GRAP2: variants seen among roughly 807,000 people sequenced by gnomAD.
GRAP2 encodes the protein GRB2-related adapter protein 2.
Under a neutral mutation model 43.5 loss-of-function variants are expected in GRAP2, and 31 were observed. The observed-to-expected ratio is 0.71, with a 90% CI of 0.54 to 0.96. The LOEUF (loss-of-function observed/expected upper bound fraction) is 0.96, where lower values mean the gene tolerates loss of function less well. Among genes scored for constraint, GRAP2 ranks in the 40% least tolerant of loss-of-function variants. The probability of loss-of-function intolerance (pLI) is 0.00; values close to 1 mark genes in which losing one functional copy is unlikely to be tolerated. For synonymous variants in GRAP2, 156 were observed against 164.8 expected, an observed-to-expected ratio of 0.95 and a Z score of 0.41; for missense variants, 371 against 424.4, an observed-to-expected ratio of 0.87 and a Z score of 1.11.
At chr22:39,896,363 A>AG (rs998033312), upstream of GRAP2, among the ~76,000 whole-genome samples, 1 of 152,160 alleles carries the variant, frequency 6.6e-6, no homozygotes, top group African/African-American at 2.4e-5. Context: ...TGGCAATGAG[A>AG]GAGAAGGAGG....
Position 39,969,483 on chromosome 22 carries a change from G to A in GRAP2, c.763G>A (p.Ala255Thr). ...GTGLGSEMNA[A>T]LMHRRHTDPV... Reference sequence around the variant, plus strand: ...CGGCTTGGGCAGTGAAATGAATGCGGCCCTCATGCATCGGAGACACACAGA... The same window carrying A: ...CGGCTTGGGCAGTGAAATGAATGCGACCCTCATGCATCGGAGACACACAGA... The change falls in exon 7 of 8, where the codon GCC becomes ACC. Residue 255 changes from alanine to threonine, a missense_variant. Coordinates refer to ENST00000344138, the MANE Select transcript of GRAP2 (RefSeq NM_004810.4). 1 of 1,614,032 alleles carries A rather than the reference G, an allele frequency of 6.2e-7. No individual in the cohort carries two copies. Among genetic ancestry groups the A allele is most frequent in the Admixed American group, 1.7e-5 (1 of 60,022 alleles).
At chr22:39,931,637 G>C (rs2145606568) in intron 1 of GRAP2, among the ~76,000 whole-genome samples, 1 of 152,286 alleles carries the variant, frequency 6.6e-6, no homozygotes, top group Admixed American at 6.5e-5. Flanking sequence ...CAGATGCCAA[G>C]CATGGAAAAA....
At chr22:39,933,787 G>A (rs1296023336) in intron 1 of GRAP2, among the ~76,000 whole-genome samples, 1 of 151,566 alleles carries the variant, frequency 6.6e-6, no homozygotes, top group Non-Finnish European at 1.5e-5. Flanking sequence ...GTTTCAGTGA[G>A]CCAAGATTGC....
chr22:39,953,756 C>A (rs544737069), intron 2 of GRAP2, among the ~76,000 whole-genome samples: 129 of 152,208 alleles, frequency 8.5e-4, no homozygotes, highest in African/African-American at 2.8e-3. Flanking sequence ...ACTACAGGTG[C>A]GCTTCCACCA....
rs546584026 is a variant in GRAP2, at chr22:39,930,601, C to G, written c.-14-16492C>G. ...AGCCAAGACTACTGCGATGCTTTCT[C>G]CATCTTCGGTTCACCCTGCCCTCCA... On this transcript the variant is annotated intron_variant, in intron 1 of 7. Coordinates refer to ENST00000344138, the MANE Select transcript of GRAP2 (RefSeq NM_004810.4). Among the ~76,000 whole-genome samples, 5 of 152,346 alleles carry G rather than the reference C, an allele frequency of 3.3e-5. No homozygotes were observed. In the South Asian group the frequency reaches 1.0e-3, roughly 32 times the overall value.
intron 2 of GRAP2, among the ~76,000 whole-genome samples, chr22:39,950,346 T>C (rs1000177726): frequency 2.0e-5 from 3 of 152,234 alleles, no homozygotes; most frequent in Non-Finnish European, 4.4e-5. Context: ...CATGACCCTG[T>C]GGTCTCATGC....
At chr22:39,946,371 T>C (rs1323562903) in intron 1 of GRAP2, among the ~76,000 whole-genome samples, 1 of 152,228 alleles carries the variant, frequency 6.6e-6, no homozygotes, top group African/African-American at 2.4e-5. Context: ...CTAAATGTAT[T>C]ACATAGGCCG....
Position 39,973,342 on chromosome 22 carries a change from C to T in GRAP2, c.*2258C>T, listed in dbSNP as rs1030249990. ...ATAAAACAAAGTGTCCTTGTTTGGC[C>T]AGGCCGTGTCTGGTGTCTGCGTTGC... On this transcript the variant is annotated 3_prime_UTR_variant, in exon 8 of 8. Transcript: ENST00000344138. 7.9e-5 allele frequency: 12 copies of T among 152,238 alleles called. No homozygotes were observed. Among genetic ancestry groups the T allele is most frequent in the Admixed American group, 6.5e-4 (10 of 15,284 alleles). The allele number at this position is 152,238 out of a possible 1,614,324, so 9.4% of individuals were successfully genotyped here.
chr22:39,911,075 C>T (rs1601689188), intron 1 of GRAP2, among the ~76,000 whole-genome samples: 1 of 151,994 alleles, frequency 6.6e-6, no homozygotes, highest in Non-Finnish European at 1.5e-5. Flanking sequence ...TGAGGATATG[C>T]GACAATGAGT....
intron 1 of GRAP2, chr22:39,926,732 T>C: frequency 1.0e-6 from 1 of 985,406 alleles, no homozygotes; most frequent in South Asian, 4.7e-5. Context: ...AAATTGTTAA[T>C]GGGGACTGCA....
At chr22:39,935,617 C>G (rs1358393256) in intron 1 of GRAP2, among the ~76,000 whole-genome samples, 1 of 152,132 alleles carries the variant, frequency 6.6e-6, no homozygotes, top group Admixed American at 6.5e-5. Context: ...GTCAGGCCCT[C>G]CCACTTTTCT....
rs147575510 is a variant in GRAP2 at position 39,971,379 on chromosome 22, G to A, written c.*295G>A. On this transcript the variant is annotated 3_prime_UTR_variant, in exon 8 of 8. Coordinates refer to ENST00000344138, the MANE Select transcript of GRAP2 (RefSeq NM_004810.4). ...GGAAATGAAATGGAGTTTTGTCCTGGCCTTCAGCTGTCACTGCTTCCTCCT... is the reference window on the plus strand; with the variant it reads ...GGAAATGAAATGGAGTTTTGTCCTGACCTTCAGCTGTCACTGCTTCCTCCT... The A allele has an allele frequency of 2.1e-4, 80 of 381,640 alleles. No individual in the cohort carries two copies. The highest frequency in any genetic ancestry group is 3.4e-4 in the Non-Finnish European group (73 of 214,880). The allele number at this position is 381,640 out of a possible 1,614,324, so 23.6% of individuals were successfully genotyped here.
chr22:39,953,436 T>A (rs986405050), intron 2 of GRAP2, among the ~76,000 whole-genome samples: 1 of 152,168 alleles, frequency 6.6e-6, no homozygotes, highest in African/African-American at 2.4e-5. Flanking sequence ...GGTCAAGAAA[T>A]CCTGCCTGTT....
rs1437872313 is a variant in GRAP2 at position 39,903,981 on chromosome 22, A to G, written c.-15+2651A>G. ...AATTTTTAAAGATTGTTTTCTTTTTAAATATGTATTTATAAACAAAAATTT... is the reference window on the plus strand; with the variant it reads ...AATTTTTAAAGATTGTTTTCTTTTTGAATATGTATTTATAAACAAAAATTT... On this transcript the variant is annotated intron_variant, in intron 1 of 7. Transcript: ENST00000344138. Among the ~76,000 whole-genome samples the G allele has an allele frequency of 3.3e-5, 5 of 152,338 alleles. No homozygotes were observed. The East Asian group carries it at 9.6e-4, about 29-fold the overall frequency.
At chr22:39,954,677 G>A (rs374462340) in intron 2 of GRAP2, among the ~76,000 whole-genome samples, 3 of 152,138 alleles carry the variant, frequency 2.0e-5, no homozygotes, top group East Asian at 1.9e-4. Context: ...TTACAGGCGC[G>A]AGCCACCACA....
At position 39,914,434 on chromosome 22, in the gene GRAP2, A is replaced by G. The variant is rs528476443; in HGVS notation, c.-15+13104A>G. On this transcript the variant is annotated intron_variant, in intron 1 of 7. Coordinates refer to ENST00000344138, the MANE Select transcript of GRAP2 (RefSeq NM_004810.4). ...GAATTTAGCTCTAAATAAAACTAGG[A>G]TAAATGCATTTGTTCAGTTCTAGAG... is the stretch of plus-strand genomic sequence containing the variant. Among the ~76,000 whole-genome samples the G allele has an allele frequency of 9.0e-4, 137 of 152,162 alleles. 2 individuals carry two copies. The South Asian group carries it at 0.018, about 20-fold the overall frequency.
At chr22:39,959,532 G>A (rs781597475) in intron 3 of GRAP2, among the ~76,000 whole-genome samples, 13 of 152,126 alleles carry the variant, frequency 8.5e-5, no homozygotes, top group Non-Finnish European at 1.8e-4. Flanking sequence ...CCTAGGTAAC[G>A]TGACGCCCTG....
chr22:39,893,835 G>A, the GRAP2 span: 16 of 152,424 alleles, frequency 1.0e-4, no homozygotes, highest in Non-Finnish European at 4.4e-5. Flanking sequence ...TCCTGTCAGG[G>A]CGTCAAGCAA....
intron 1 of GRAP2, among the ~76,000 whole-genome samples, chr22:39,922,333 A>G (rs1381426244): frequency 2.0e-5 from 3 of 152,222 alleles, no homozygotes; most frequent in African/African-American, 7.2e-5. Flanking sequence ...CATTTGCACC[A>G]TATTAAAGGA....
Sources: allele counts gnomAD v4.1 joint callset (sites outside exome capture counted in the v4.1 genomes callset), GRCh38; gene constraint gnomAD v4.1.1; transcripts MANE v1.5; gene names NCBI Gene and HGNC (gene_info 2026-07-23, HGNC 2026-07-21).